LUZP2: variants seen among roughly 807,000 people sequenced by gnomAD.
LUZP2 encodes the protein leucine zipper protein 2.
LUZP2 carries 52 observed loss-of-function variants against 51.6 expected under a neutral mutation model. The ratio of observed to expected loss-of-function variants is 1.01; its 90% CI spans 0.81 to 1.27. The LOEUF (loss-of-function observed/expected upper bound fraction) is 1.27. Ranked by LOEUF, LUZP2 falls within the 50% of genes most tolerant of loss-of-function variation. The pLI, the probability that LUZP2 is intolerant of heterozygous loss-of-function variation, is 0.00. For missense variants in LUZP2, 436 were observed against 395.4 expected (o/e 1.10, Z -0.87); for synonymous variants, 154 against 137.3 (o/e 1.12, Z -0.85).
chr11:24,797,918 C>T (rs1307227228), intron 5 of LUZP2, among the ~76,000 whole-genome samples: 1 of 152,128 alleles, frequency 6.6e-6, no homozygotes, highest in Non-Finnish European at 1.5e-5. Flanking sequence ...TAAAAACCTT[C>T]ACTATTTGTG....
rs1398622021 is a variant in LUZP2, at chr11:25,081,904, T to A, written c.*3246T>A. Reference sequence around the variant, plus strand: ...TACAACCAGAACCAACAATTGTATTTCTCTATAGTTATTTTAAAATAGTAA... The same window carrying A: ...TACAACCAGAACCAACAATTGTATTACTCTATAGTTATTTTAAAATAGTAA... On this transcript the variant is annotated 3_prime_UTR_variant, in exon 12 of 12. Coordinates refer to ENST00000336930, the MANE Select transcript of LUZP2 (RefSeq NM_001009909.4). 3 of 152,174 alleles carry A rather than the reference T, an allele frequency of 2.0e-5. No individual in the cohort carries two copies. The highest frequency in any genetic ancestry group is 7.2e-5 in the African/African-American group (3 of 41,446). The allele number at this position is 152,174 out of a possible 1,614,324, so 9.4% of individuals were successfully genotyped here. A position where few individuals can be genotyped will look rare whatever the true frequency, so the allele number is the denominator to read the frequency against.
At chr11:24,828,106 T>C (rs969960075) in intron 5 of LUZP2, among the ~76,000 whole-genome samples, 9 of 151,972 alleles carry the variant, frequency 5.9e-5, no homozygotes, top group African/African-American at 1.9e-4. Flanking sequence ...GAGAAAACTA[T>C]AGAAAAAACA....
intron 5 of LUZP2, among the ~76,000 whole-genome samples, chr11:24,778,574 G>A (rs1849006103): frequency 6.6e-6 from 1 of 151,994 alleles, no homozygotes; most frequent in African/African-American, 2.4e-5. Context: ...CTTTACTCCT[G>A]GTTACTGCGA....
intron 1 of LUZP2, among the ~76,000 whole-genome samples, chr11:24,542,910 G>GCA (rs923282673): frequency 1.4e-5 from 2 of 144,990 alleles, no homozygotes; most frequent in African/African-American, 5.1e-5. Context: ...AAAAAGAACA[G>GCA]CACACACACA....
At chr11:24,598,042 G>A (rs12281682) in intron 1 of LUZP2, among the ~76,000 whole-genome samples, 2,453 of 151,490 alleles carry the variant, frequency 0.016, 79 homozygotes, top group African/African-American at 0.056. Context: ...CAGAGGTTGC[G>A]GTGAGCAGAG....
chr11:24,516,751 T>C (rs1161817312), intron 1 of LUZP2, among the ~76,000 whole-genome samples: 2 of 152,126 alleles, frequency 1.3e-5, no homozygotes, highest in South Asian at 2.1e-4. Flanking sequence ...TACAAAACAA[T>C]GTAGGTAAGG....
intron 10 of LUZP2, among the ~76,000 whole-genome samples, chr11:25,076,620 AAGGAAGGG>A (rs1419763996): frequency 1.5e-4 from 14 of 95,368 alleles, no homozygotes; most frequent in African/African-American, 4.5e-4. Flanking sequence ...GGAATGAAGG[AAGGAAGGG>A]AGGAAGGGAA....
At chr11:24,777,182 T>A (rs1235345263) in intron 5 of LUZP2, among the ~76,000 whole-genome samples, 1 of 151,728 alleles carries the variant, frequency 6.6e-6, no homozygotes, top group Non-Finnish European at 1.5e-5. Flanking sequence ...TTTAGTAGAT[T>A]CGGGGTTTCA....
chr11:24,986,397 A>G (rs1856187845), intron 9 of LUZP2, among the ~76,000 whole-genome samples: 1 of 151,622 alleles, frequency 6.6e-6, no homozygotes, highest in Non-Finnish European at 1.5e-5. Context: ...ATAATAGTAT[A>G]CTACTGTATA....
intron 1 of LUZP2, among the ~76,000 whole-genome samples, chr11:24,570,702 A>G (rs1446112978): frequency 4.6e-5 from 7 of 152,030 alleles, no homozygotes; most frequent in African/African-American, 1.7e-4. Flanking sequence ...TATTCTTATG[A>G]TTTGCAGTCT....
chr11:24,698,279 A>C (rs1857310175), intron 1 of LUZP2, among the ~76,000 whole-genome samples: 1 of 152,182 alleles, frequency 6.6e-6, no homozygotes, highest in Admixed American at 6.6e-5. Context: ...AGGGTGCTGA[A>C]ATTTTATCCA....
intron 9 of LUZP2, among the ~76,000 whole-genome samples, chr11:24,988,760 T>A (rs1031894162): frequency 1.3e-5 from 2 of 152,158 alleles, no homozygotes; most frequent in African/African-American, 4.8e-5. Flanking sequence ...TTAAGTAATT[T>A]GAGTATACAA....
chr11:24,727,198 C>T (rs535912810), intron 1 of LUZP2, among the ~76,000 whole-genome samples: 10 of 151,786 alleles, frequency 6.6e-5, no homozygotes, highest in Non-Finnish European at 1.2e-4. Context: ...CATTTATTTG[C>T]GTAATAGAGA....
At chr11:24,790,665 C>G (rs1287141046) in intron 5 of LUZP2, among the ~76,000 whole-genome samples, 1 of 152,028 alleles carries the variant, frequency 6.6e-6, no homozygotes, top group Non-Finnish European at 1.5e-5. Context: ...CCACGCCCAG[C>G]TAATTTTTGT....
At chr11:24,693,057 TACC>T (rs1188320904) in intron 1 of LUZP2, among the ~76,000 whole-genome samples, 1 of 151,924 alleles carries the variant, frequency 6.6e-6, no homozygotes. Context: ...TTTGCTACCA[TACC>T]AGGTACCATT....
intron 9 of LUZP2, among the ~76,000 whole-genome samples, chr11:25,017,300 T>C (rs1857188705): frequency 6.6e-6 from 1 of 152,160 alleles, no homozygotes; most frequent in Non-Finnish European, 1.5e-5. Flanking sequence ...TTTATTTTTG[T>C]TTTTGTTGCT....
intron 9 of LUZP2, among the ~76,000 whole-genome samples, chr11:25,000,826 C>T (rs11028331): frequency 0.39 from 58,957 of 151,842 alleles, 13,713 homozygotes; most frequent in East Asian, 0.68. Flanking sequence ...TGGAGAGTCA[C>T]TGCTGCTAAA....
intron 9 of LUZP2, among the ~76,000 whole-genome samples, chr11:24,991,857 G>T (rs1020628707): frequency 6.6e-6 from 1 of 151,934 alleles, no homozygotes; most frequent in Non-Finnish European, 1.5e-5. Context: ...TTGGCCATTT[G>T]TATGTTTTCT....
intron 4 of LUZP2, among the ~76,000 whole-genome samples, chr11:24,747,032 C>G (rs528651238): frequency 6.6e-6 from 1 of 152,220 alleles, no homozygotes; most frequent in Non-Finnish European, 1.5e-5. Flanking sequence ...AATAACTAAC[C>G]GCCTGAATTC....
Sources: allele counts gnomAD v4.1 joint callset (sites outside exome capture counted in the v4.1 genomes callset), GRCh38; gene constraint gnomAD v4.1.1; transcripts MANE v1.5; gene names NCBI Gene and HGNC (gene_info 2026-07-23, HGNC 2026-07-21).